The following TBCA variants were observed in gnomAD, a reference collection of about 807,000 sequenced individuals.
TBCA encodes the protein tubulin-specific chaperone A.
TBCA carries 6 observed loss-of-function variants against 15.8 expected under a neutral mutation model. The ratio of observed to expected loss-of-function variants is 0.38; its 90% CI spans 0.21 to 0.75. The LOEUF (loss-of-function observed/expected upper bound fraction) is 0.75, where lower values mean the gene tolerates loss of function less well. TBCA is among the 30% of genes least tolerant of loss of function. The pLI, the probability that TBCA is intolerant of heterozygous loss-of-function variation, is 0.46. For missense variants in TBCA, 90 were observed against 131.2 expected (o/e 0.69, Z 1.53); for synonymous variants, 32 against 42.3 (o/e 0.76, Z 0.94).
At chr5:77,728,991 C>T (rs907771436) in intron 1 of TBCA, among the ~76,000 whole-genome samples, 1 of 151,960 alleles carries the variant, frequency 6.6e-6, no homozygotes, top group African/African-American at 2.4e-5. Context: ...AGTCGAATGC[C>T]AATTTTTAAA....
intron 2 of TBCA, among the ~76,000 whole-genome samples, chr5:77,699,841 C>T (rs1340592615): frequency 3.9e-5 from 6 of 151,926 alleles, no homozygotes; most frequent in Non-Finnish European, 8.8e-5. Flanking sequence ...AGTTCGAGAC[C>T]AGCCTGACCA....
intron 1 of TBCA, among the ~76,000 whole-genome samples, chr5:77,735,796 C>T (rs569236412): frequency 1.4e-4 from 21 of 152,168 alleles, no homozygotes; most frequent in Admixed American, 2.0e-4. Context: ...ACATGCTTTA[C>T]CTACATGCGA....
chr5:77,761,874 C>T (rs1435071067), intron 1 of TBCA, among the ~76,000 whole-genome samples: 1 of 152,206 alleles, frequency 6.6e-6, no homozygotes, highest in Non-Finnish European at 1.5e-5. Flanking sequence ...AAGAAGACTG[C>T]AGCCACAATC....
intron 1 of TBCA, among the ~76,000 whole-genome samples, chr5:77,756,691 T>G (rs1561282304): frequency 1.3e-5 from 2 of 151,214 alleles, no homozygotes; most frequent in African/African-American, 2.4e-5. Flanking sequence ...CCTTTAACTT[T>G]GTAGTTCTCA....
intron 1 of TBCA, among the ~76,000 whole-genome samples, chr5:77,729,841 A>C (rs1284450120): frequency 6.6e-6 from 1 of 152,220 alleles, no homozygotes; most frequent in Admixed American, 6.5e-5. Context: ...GTAATACAAC[A>C]TATCAGTTAA....
intron 1 of TBCA, among the ~76,000 whole-genome samples, chr5:77,734,533 C>T (rs191680552): frequency 2.6e-5 from 4 of 152,242 alleles, no homozygotes. Flanking sequence ...GCAAGAGAAA[C>T]AGAAGCAGAG....
chr5:77,759,820 T>C (rs545145245), intron 1 of TBCA, among the ~76,000 whole-genome samples: 1 of 152,336 alleles, frequency 6.6e-6, no homozygotes, highest in South Asian at 2.1e-4. Context: ...TGTATAAGTA[T>C]GTATACTTAT....
rs530045599 is a variant in TBCA, at chr5:77,691,252, G to T, written c.*166C>A. The T allele has an allele frequency of 1.3e-5, 8 of 624,452 alleles. No homozygotes were observed. The highest frequency in any genetic ancestry group is 2.2e-5 in the Non-Finnish European group (8 of 370,012). The allele number at this position is 624,452 out of a possible 1,614,324, so 38.7% of individuals were successfully genotyped here. A position where few individuals can be genotyped will look rare whatever the true frequency, so the allele number is the denominator to read the frequency against. ...TATAAAATAAACAATTTTATTAGATGAACTCATTTATTTGACATATTAAAT... is the reference window on the plus strand; with the variant it reads ...TATAAAATAAACAATTTTATTAGATTAACTCATTTATTTGACATATTAAAT... On this transcript the variant is annotated 3_prime_UTR_variant, in exon 4 of 4. Transcript: ENST00000380377.
At chr5:77,692,584 G>A (rs1048922468) in intron 3 of TBCA, 10 of 984,914 alleles carry the variant, frequency 1.0e-5, no homozygotes, top group African/African-American at 8.8e-5. Context: ...TGCACCTGGC[G>A]GCCAACATTA....
At chr5:77,692,299 A>C in intron 3 of TBCA, 1 of 985,432 alleles carries the variant, frequency 1.0e-6, no homozygotes. Flanking sequence ...TGCTTAGCTC[A>C]AACTATACGT....
intron 1 of TBCA, among the ~76,000 whole-genome samples, chr5:77,737,115 A>T (rs541730382): frequency 6.6e-6 from 1 of 152,362 alleles, no homozygotes; most frequent in East Asian, 1.9e-4. Context: ...TAAACCAAGA[A>T]TTACAGTGAC....
intron 1 of TBCA, among the ~76,000 whole-genome samples, chr5:77,758,409 CCT>C (rs773251891): frequency 2.6e-5 from 4 of 152,158 alleles, no homozygotes; most frequent in Non-Finnish European, 5.9e-5. Context: ...CACTCTGACC[CCT>C]GTCACATATC....
intron 1 of TBCA, among the ~76,000 whole-genome samples, chr5:77,744,532 T>A (rs961823305): frequency 8.5e-4 from 21 of 24,568 alleles, no homozygotes; most frequent in Admixed American, 2.1e-3. Flanking sequence ...CTTATTCACC[T>A]TTTTTTTTTT....
At position 77,770,998 on chromosome 5, in the gene TBCA, G is replaced by T. The variant is rs1034283326; in HGVS notation, c.53+5207C>A. Among the ~76,000 whole-genome samples the T allele has an allele frequency of 2.6e-5, 4 of 152,180 alleles. No homozygotes were observed. The South Asian group carries it at 6.2e-4, about 24-fold the overall frequency. ...CAAAAATTAGCCAGCCATGGTGGCG[G>T]ACACCTGTAATCCCAGCTACTCAGG... is the stretch of plus-strand genomic sequence containing the variant. On this transcript the variant is annotated intron_variant, in intron 1 of 3. Transcript: ENST00000380377.
chr5:77,707,024 T>C (rs996928073), intron 2 of TBCA, among the ~76,000 whole-genome samples: 2 of 152,038 alleles, frequency 1.3e-5, no homozygotes, highest in Non-Finnish European at 2.9e-5. Flanking sequence ...GTTGGAGTAG[T>C]GTGAAATCAA....
intron 1 of TBCA, among the ~76,000 whole-genome samples, chr5:77,765,294 C>A (rs1019726480): frequency 2.0e-5 from 3 of 152,182 alleles, no homozygotes; most frequent in Admixed American, 2.0e-4. Context: ...AAACTAATTT[C>A]TACTTTGCAG....
At chr5:77,706,825 AAAAG>A (rs1375093498) in intron 2 of TBCA, among the ~76,000 whole-genome samples, 12 of 150,986 alleles carry the variant, frequency 7.9e-5, no homozygotes, top group East Asian at 3.9e-4. Context: ...AAAAAAAAAA[AAAAG>A]AAAGAAAGAA....
intron 1 of TBCA, among the ~76,000 whole-genome samples, chr5:77,762,912 T>A (rs1229082782): frequency 6.6e-6 from 1 of 152,160 alleles, no homozygotes. Flanking sequence ...TCACACCCTC[T>A]TTTTTTCTTT....
intron 2 of TBCA, among the ~76,000 whole-genome samples, chr5:77,701,296 C>G (rs1746007079): frequency 6.6e-6 from 1 of 151,878 alleles, no homozygotes; most frequent in Admixed American, 6.6e-5. Flanking sequence ...AAATGGCCAA[C>G]AAATATATGA....
Sources: allele counts gnomAD v4.1 joint callset (sites outside exome capture counted in the v4.1 genomes callset), GRCh38; gene constraint gnomAD v4.1.1; transcripts MANE v1.5; gene names NCBI Gene and HGNC (gene_info 2026-07-23, HGNC 2026-07-21).